The following USP6NL variants were observed in gnomAD, a reference collection of about 807,000 sequenced individuals.
The protein encoded by USP6NL is USP6 N-terminal-like protein.
A neutral mutation model predicts 61.9 loss-of-function variants in USP6NL; 26 were observed. The ratio of observed to expected loss-of-function variants is 0.42; its 90% confidence interval spans 0.31 to 0.58. USP6NL has a LOEUF of 0.58. USP6NL is among the 20% of genes least tolerant of loss of function. The pLI, the probability that USP6NL is intolerant of heterozygous loss-of-function variation, is 0.16. For synonymous variants in USP6NL, 432 were observed against 390.1 expected, an observed-to-expected ratio of 1.11 and a Z score of -1.27; for missense variants, 1,114 against 1,034.3, an observed-to-expected ratio of 1.08 and a Z score of -1.06.
rs1832401563 is a variant in USP6NL at position 11,465,276 on chromosome 10, A to G, written c.1079-1427T>C. On this transcript the variant is annotated intron_variant, in intron 14 of 14. Transcript: ENST00000609104. This position sits in a 1 kb window ranked among gnomAD's most constrained non-coding sequence, Gnocchi z 4.5. ...ATTCCATCAGACAGCAATATCAGCC[A>G]ATCATCAAAACATCCTTTTCAGGTT... Among the ~76,000 whole-genome samples, 1 of 152,230 alleles carries G rather than the reference A, an allele frequency of 6.6e-6. No homozygotes were observed. Among genetic ancestry groups the G allele is most frequent in the Admixed American group, 6.5e-5 (1 of 15,282 alleles).
intron 2 of USP6NL, chr10:11,573,548 T>TA (rs1262745110): frequency 7.5e-6 from 3 of 398,492 alleles, no homozygotes; most frequent in African/African-American, 4.1e-5. Flanking sequence ...CTTGGGTCCA[T>TA]ACTTAGCAAA....
intron 2 of USP6NL, among the ~76,000 whole-genome samples, chr10:11,594,833 G>C (rs1838275349): frequency 6.6e-6 from 1 of 152,252 alleles, no homozygotes; most frequent in Admixed American, 6.5e-5. Context: ...GCCAGGAACA[G>C]TGTTTGGCTC....
intron 2 of USP6NL, among the ~76,000 whole-genome samples, chr10:11,560,424 A>G (rs1047649088): frequency 2.6e-5 from 4 of 152,240 alleles, no homozygotes; most frequent in Admixed American, 1.3e-4. Flanking sequence ...TTAATGATCA[A>G]CTTGTCAGCA....
intron 5 of USP6NL, among the ~76,000 whole-genome samples, chr10:11,514,647 C>A (rs1834878448): frequency 6.6e-6 from 1 of 152,046 alleles, no homozygotes; most frequent in African/African-American, 2.4e-5. Context: ...TGATTTTGGC[C>A]CACCTTATAC....
chr10:11,604,926 GAA>G (rs1189582773), intron 1 of USP6NL, among the ~76,000 whole-genome samples: 20 of 152,266 alleles, frequency 1.3e-4, no homozygotes, highest in Admixed American at 1.0e-3. Context: ...TGCAGGAACT[GAA>G]ACCAAGGAAA....
chr10:11,463,043 G>A lies in USP6NL; in HGVS notation c.1885C>T (p.Pro629Ser), dbSNP rs1250678335. 1.2e-6 allele frequency: 2 copies of A among 1,613,966 alleles called. No individual in the cohort carries two copies. Among genetic ancestry groups the A allele is most frequent in the South Asian group, 1.1e-5 (1 of 91,086 alleles). The change falls in exon 15 of 15, where the codon CCC (proline) becomes TCC (serine). Residue 629 changes from proline to serine, a missense_variant. Physicochemically the swap from Pro to Ser is moderately conservative, Grantham distance 74. Coordinates refer to ENST00000609104, the MANE Select transcript of USP6NL (RefSeq NM_014688.5). This position sits in a 1 kb window ranked among gnomAD's most constrained non-coding sequence, Gnocchi z 6.3. ...LDGEARGLAH[P>S]PSYSNPPVYH... The stretch of plus-strand genomic sequence containing the variant: ...ACGGGGGGATTGCTGTAGGAGGGGG[G>A]ATGAGCTAGCCCTCGGGCTTCCCCA...
chr10:11,554,705 G>C (rs1472490571), intron 2 of USP6NL, among the ~76,000 whole-genome samples: 1 of 148,490 alleles, frequency 6.7e-6, no homozygotes, highest in Non-Finnish European at 1.5e-5. Flanking sequence ...TGTACTATCT[G>C]ATATCCAAGA....
Position 11,552,706 on chromosome 10 carries a change from G to A in USP6NL, c.5-25139C>T, listed in dbSNP as rs190503073. ...AACATATCCACTAAACATATTCTTA[G>A]CTTTAGGTAATGAAACACTTATTTC... On this transcript the variant is annotated intron_variant, in intron 2 of 14. Coordinates refer to ENST00000609104, the MANE Select transcript of USP6NL (RefSeq NM_014688.5). Among the ~76,000 whole-genome samples, 561 of 152,270 alleles carry A rather than the reference G, an allele frequency of 3.7e-3. 4 individuals are homozygous for A. Among genetic ancestry groups the A allele is most frequent in the Non-Finnish European group, 5.4e-3 (369 of 68,016 alleles).
rs1481832598 is a variant in USP6NL at position 11,537,929 on chromosome 10, G to T, written c.5-10362C>A. Among the ~76,000 whole-genome samples the T allele has an allele frequency of 6.6e-6, 1 of 152,214 alleles. No individual in the cohort carries two copies. The highest frequency in any genetic ancestry group is 1.9e-4 in the East Asian group (1 of 5,200). On this transcript the variant is annotated intron_variant, in intron 2 of 14. Coordinates refer to ENST00000609104, the MANE Select transcript of USP6NL (RefSeq NM_014688.5). The surrounding 1 kb of genome is among the most constrained non-coding windows in gnomAD (Gnocchi z 5.1). ...TTGCCCCTGATTCTGCAAATAAAAA[G>T]ATCAACAGTGTCGATATAATTGGTA... is the stretch of plus-strand genomic sequence containing the variant.
intron 4 of USP6NL, among the ~76,000 whole-genome samples, chr10:11,523,119 A>T (rs1428388571): frequency 1.3e-5 from 2 of 152,256 alleles, no homozygotes; most frequent in African/African-American, 4.8e-5. Context: ...TCCCCACTAG[A>T]GCCAAATGGA....
chr10:11,487,756 T>C lies in USP6NL; in HGVS notation c.664+1346A>G, dbSNP rs1419155819. Among the ~76,000 whole-genome samples, 3 of 152,150 alleles carry C rather than the reference T, an allele frequency of 2.0e-5. No homozygotes were observed. The highest frequency in any genetic ancestry group is 4.4e-5 in the Non-Finnish European group (3 of 68,044). ...ATGCAGATGATATTTGTTAAGTAAT[T>C]GGCAAGAAACACTAAGGGAGAAAGA... On this transcript the variant is annotated intron_variant, in intron 10 of 14. Transcript: ENST00000609104. This position sits in a 1 kb window ranked among gnomAD's most constrained non-coding sequence, Gnocchi z 4.2.
chr10:11,610,074 A>C (rs183875152), intron 1 of USP6NL, among the ~76,000 whole-genome samples: 39 of 152,100 alleles, frequency 2.6e-4, no homozygotes, highest in East Asian at 1.2e-3. Flanking sequence ...TTAATTCTCT[A>C]TATATATATA....
At chr10:11,542,045 C>A (rs1836086537) in intron 2 of USP6NL, among the ~76,000 whole-genome samples, 1 of 152,172 alleles carries the variant, frequency 6.6e-6, no homozygotes, top group South Asian at 2.1e-4. Context: ...TGCCCTATCT[C>A]TATGGATACC....
At chr10:11,569,052 T>A (rs1362687079) in intron 2 of USP6NL, among the ~76,000 whole-genome samples, 1 of 152,244 alleles carries the variant, frequency 6.6e-6, no homozygotes, top group Non-Finnish European at 1.5e-5. Context: ...TGTCATAGTA[T>A]CTTCTTTTTT....
chr10:11,538,484 G>C (rs1369864745), intron 2 of USP6NL, among the ~76,000 whole-genome samples: 1 of 152,120 alleles, frequency 6.6e-6, no homozygotes, highest in South Asian at 2.1e-4. Context: ...GTATCTATCA[G>C]TGCCTAACCC....
chr10:11,510,357 G>GT lies in USP6NL; in HGVS notation c.196-683dup, dbSNP rs1324542812. 4.9e-4 allele frequency among the ~76,000 whole-genome samples: 74 copies of GT among 151,344 alleles called. No homozygotes were observed. Among genetic ancestry groups the GT allele is most frequent in the South Asian group, 1.5e-3 (7 of 4,772 alleles). On this transcript the variant is annotated intron_variant, in intron 5 of 14. Transcript: ENST00000609104. The surrounding 1 kb of genome is among the most constrained non-coding windows in gnomAD (Gnocchi z 4.8). ...AGGAACAGAGAGATTATTAGGGTTT[G>GT]TTTTTTTTTAATCAAATGCAATGTG...
chr10:11,521,692 T>G (rs904399426), intron 4 of USP6NL, among the ~76,000 whole-genome samples: 23 of 152,098 alleles, frequency 1.5e-4, no homozygotes, highest in Non-Finnish European at 1.9e-4. Context: ...TGATACTCTT[T>G]AAAAACAAAC....
intron 2 of USP6NL, among the ~76,000 whole-genome samples, chr10:11,539,877 T>C (rs1305419782): frequency 6.6e-6 from 1 of 152,218 alleles, no homozygotes; most frequent in Non-Finnish European, 1.5e-5. Flanking sequence ...CCTATGTTAG[T>C]TTTTATGACT....
chr10:11,529,713 T>C (rs1835569109), intron 2 of USP6NL, among the ~76,000 whole-genome samples: 1 of 152,222 alleles, frequency 6.6e-6, no homozygotes. Context: ...ACATATTCAC[T>C]ACCCTATTTT....
Sources: allele counts gnomAD v4.1 joint callset (sites outside exome capture counted in the v4.1 genomes callset), GRCh38; gene constraint gnomAD v4.1.1; non-coding constraint Gnocchi (gnomAD v3.1); transcripts MANE v1.5; gene names NCBI Gene and HGNC (gene_info 2026-07-23, HGNC 2026-07-21).